Variants in ALDH1L2 observed in about 807,000 individuals in gnomAD.
ALDH1L2 encodes the protein aldehyde dehydrogenase 1 family member L2.
Under a neutral mutation model 111.0 loss-of-function variants are expected in ALDH1L2, and 91 were observed. That is an observed-to-expected ratio of 0.82 (90% CI 0.69 to 0.98). The LOEUF (loss-of-function observed/expected upper bound fraction) is 0.98, where lower values mean the gene tolerates loss of function less well. Ranked by LOEUF, ALDH1L2 falls within the 50% of genes least tolerant of loss-of-function variation. The pLI is 0.00. For missense variants in ALDH1L2, 995 were observed against 1,126.8 expected (o/e 0.88, Z 1.67); for synonymous variants, 374 against 392.6 (o/e 0.95, Z 0.56).
chr12:105,038,890 A>T (rs1325719631), intron 17 of ALDH1L2, among the ~76,000 whole-genome samples: 2 of 152,218 alleles, frequency 1.3e-5, no homozygotes, highest in Admixed American at 1.3e-4. Context: ...GCCTGGCAAA[A>T]GAATTAAACC....
At chr12:105,063,408 G>A (rs1421885279) in intron 6 of ALDH1L2, among the ~76,000 whole-genome samples, 4 of 151,990 alleles carry the variant, frequency 2.6e-5, no homozygotes, top group Non-Finnish European at 5.9e-5. Context: ...CCCGGGAGGC[G>A]GAGCTTGCAG....
In ALDH1L2 at chr12:105,019,885, T is replaced by TA. The variant is rs546545581; in HGVS notation, c.*4538dup. 6.6e-4 allele frequency: 101 copies of TA among 152,308 alleles called. 1 individual carries two copies. The highest frequency in any genetic ancestry group is 2.2e-3 in the Admixed American group (34 of 15,300). 9.4% of individuals were successfully genotyped at this position (152,308 alleles called of 1,614,324 possible). On this transcript the variant is annotated 3_prime_UTR_variant, in exon 23 of 23. Transcript: ENST00000258494. ...AATATACAGTATTATGTTAATTATGTAAAAAAAGTATACATATTCATAGAA... is the reference window on the plus strand; with the variant it reads ...AATATACAGTATTATGTTAATTATGTAAAAAAAAGTATACATATTCATAGAA...
intron 4 of ALDH1L2, among the ~76,000 whole-genome samples, chr12:105,067,094 T>C (rs1877404354): frequency 6.6e-6 from 1 of 151,388 alleles, no homozygotes; most frequent in African/African-American, 2.4e-5. Context: ...TGGGCGCCTG[T>C]AGTCCCAGCT....
chr12:105,046,150 TC>T (rs1370419432), intron 15 of ALDH1L2, among the ~76,000 whole-genome samples: 1 of 15,902 alleles, frequency 6.3e-5, no homozygotes. Context: ...TTCTACATCT[TC>T]TCTCTCTCTC....
At chr12:105,073,728 CTT>C in intron 2 of ALDH1L2, 131 bp downstream of exon 2, 3 of 1,293,964 alleles carry the variant, frequency 2.3e-6, no homozygotes, top group Non-Finnish European at 3.2e-6. Context: ...GATTCCCACT[CTT>C]TTCCTTCCTG....
intron 3 of ALDH1L2, among the ~76,000 whole-genome samples, chr12:105,069,885 G>C (rs1384123577): frequency 1.3e-5 from 2 of 152,192 alleles, no homozygotes; most frequent in East Asian, 1.9e-4. Context: ...GTTGTGCAAA[G>C]TCCCTTTCCT....
At chr12:105,032,174 CT>C (rs59767606) in intron 19 of ALDH1L2, among the ~76,000 whole-genome samples, 10,269 of 105,804 alleles carry the variant, frequency 0.097, 709 homozygotes, top group East Asian at 0.3. Flanking sequence ...CCTCGAACTT[CT>C]TTTTTTTTTT....
intron 9 of ALDH1L2, among the ~76,000 whole-genome samples, chr12:105,060,087 T>A (rs1335318488): frequency 6.6e-6 from 1 of 152,090 alleles, no homozygotes; most frequent in African/African-American, 2.4e-5. Flanking sequence ...GTGGAGAAAT[T>A]CTGATATTGG....
At chr12:105,031,040 G>A (rs1315508996) in intron 20 of ALDH1L2, among the ~76,000 whole-genome samples, 1 of 152,160 alleles carries the variant, frequency 6.6e-6, no homozygotes, top group East Asian at 1.9e-4. Context: ...GACTGGGTCA[G>A]TTGTTTATAC....
intron 9 of ALDH1L2, among the ~76,000 whole-genome samples, chr12:105,060,176 G>A (rs924736965): frequency 6.6e-6 from 1 of 151,752 alleles, no homozygotes; most frequent in Non-Finnish European, 1.5e-5. Flanking sequence ...TGGGGGGGGC[G>A]AGGGTAGGAG....
rs1405960513 is a variant in ALDH1L2 at position 105,020,401 on chromosome 12, A to C, written c.*4023T>G. On this transcript the variant is annotated 3_prime_UTR_variant, in exon 23 of 23. Transcript: ENST00000258494. ...CGACTTAGTTAAAACCACCAGATGC[A>C]TTGCTTGAAAACCTGTTCTGCCACT... is the stretch of plus-strand genomic sequence containing the variant. The C allele has an allele frequency of 2.0e-5, 3 of 152,250 alleles. No individual in the cohort carries two copies. The highest frequency in any genetic ancestry group is 2.0e-4 in the Admixed American group (3 of 15,288). 9.4% of individuals were successfully genotyped at this position (152,250 alleles called of 1,614,324 possible).
chr12:105,039,678 G>A (rs1287042240), intron 17 of ALDH1L2, 35 bp downstream of exon 17: 1 of 1,577,340 alleles, frequency 6.3e-7, no homozygotes, highest in African/African-American at 1.3e-5. Context: ...TAGTTTAACA[G>A]GATCTGCAGT....
intron 12 of ALDH1L2, among the ~76,000 whole-genome samples, chr12:105,051,279 G>A (rs1396147204): frequency 6.6e-6 from 1 of 152,078 alleles, no homozygotes; most frequent in Non-Finnish European, 1.5e-5. Context: ...ATTGGGCTTG[G>A]CCAGTGAGAG....
chr12:105,050,840 A>T (rs1047976858), intron 12 of ALDH1L2: 3 of 266,938 alleles, frequency 1.1e-5, no homozygotes, highest in East Asian at 2.4e-4. Context: ...CAGCACAGGA[A>T]AGACTTGCCC....
At chr12:105,070,378 T>C (rs1042037615) in intron 3 of ALDH1L2, 192 bp downstream of exon 3, 2 of 585,240 alleles carry the variant, frequency 3.4e-6, no homozygotes, top group African/African-American at 3.7e-5. Flanking sequence ...AGAAAGAATA[T>C]AGGCAATTGA....
chr12:105,046,533 ATG>A (rs1875928156), intron 15 of ALDH1L2, among the ~76,000 whole-genome samples, 175 bp downstream of exon 15: 2 of 151,958 alleles, frequency 1.3e-5, no homozygotes. Flanking sequence ...TCTCCATACA[ATG>A]TATTAGGTAG....
chr12:105,024,325 T>C lies in ALDH1L2; in HGVS notation c.*99A>G. ...TGGTCCATCTGTGTATTTTTTGGTT[T>C]GTGGCTGACACCTCCTGCCTCAACA... is the stretch of plus-strand genomic sequence containing the variant. On this transcript the variant is annotated 3_prime_UTR_variant, in exon 23 of 23. Coordinates refer to ENST00000258494, the MANE Select transcript of ALDH1L2 (RefSeq NM_001034173.4). 7.0e-7 allele frequency: 1 copy of C among 1,431,664 alleles called. No homozygotes were observed. Among genetic ancestry groups the C allele is most frequent in the Non-Finnish European group, 9.8e-7 (1 of 1,022,394 alleles). The allele number at this position is 1,431,664 out of a possible 1,614,324, so 88.7% of individuals were successfully genotyped here. A position where few individuals can be genotyped will look rare whatever the true frequency, so the allele number is the denominator to read the frequency against.
chr12:105,028,022 A>G (rs1372834283), intron 21 of ALDH1L2, among the ~76,000 whole-genome samples: 3 of 152,182 alleles, frequency 2.0e-5, no homozygotes, highest in African/African-American at 4.8e-5. Flanking sequence ...TGCCTGTCAT[A>G]GTGTATGTAC....
At chr12:105,063,196 GC>G (rs1373741490) in intron 6 of ALDH1L2, among the ~76,000 whole-genome samples, 174 bp from the exon 7 acceptor site, 2 of 152,198 alleles carry the variant, frequency 1.3e-5, no homozygotes, top group East Asian at 3.8e-4. Flanking sequence ...ACACAAGGTG[GC>G]CGGGCACAGT....
Sources: gnomAD v4.1 joint callset for allele counts (sites outside exome capture counted in the v4.1 genomes callset) on GRCh38, gnomAD v4.1.1 for gene constraint, MANE v1.5 for transcripts, NCBI Gene and HGNC (gene_info 2026-07-23, HGNC 2026-07-21) for gene names.